Variants in CTNND2 observed in about 807,000 individuals in gnomAD.
CTNND2 encodes the protein catenin delta-2.
A neutral mutation model predicts 144.4 loss-of-function variants in CTNND2; 22 were observed. The observed-to-expected ratio is 0.15, with a 90% CI of 0.11 to 0.22. The LOEUF (loss-of-function observed/expected upper bound fraction) is 0.22. Ranked by LOEUF, CTNND2 falls within the 10% of genes least tolerant of loss-of-function variation. CTNND2 has a pLI of 1.00. For synonymous variants in CTNND2, 751 were observed against 695.6 expected, an observed-to-expected ratio of 1.08 and a Z score of -1.25; for missense variants, 1,353 against 1,618.8, an observed-to-expected ratio of 0.84 and a Z score of 2.82.
chr5:11,892,731 C>T (rs965336930), intron 1 of CTNND2, among the ~76,000 whole-genome samples: 1 of 151,408 alleles, frequency 6.6e-6, no homozygotes, highest in East Asian at 1.9e-4. Flanking sequence ...TCCCAGCCCA[C>T]CACATCTCAA....
chr5:11,809,215 T>C (rs898998753), intron 1 of CTNND2, among the ~76,000 whole-genome samples: 3 of 152,192 alleles, frequency 2.0e-5, no homozygotes, highest in Admixed American at 1.3e-4. Flanking sequence ...AGATTCTAGT[T>C]GAGATATCCA....
rs555355524 is a variant in CTNND2, at chr5:11,205,430, T to G, written c.1762-5769A>C. 4.1e-3 allele frequency among the ~76,000 whole-genome samples: 619 copies of G among 152,344 alleles called. 5 individuals carry two copies. Among genetic ancestry groups the G allele is most frequent in the African/African-American group, 0.014 (592 of 41,592 alleles). On this transcript the variant is annotated intron_variant, in intron 10 of 21. Transcript: ENST00000304623. Reference sequence around the variant, plus strand: ...AATGGTACTGGCTTTGAAAAAGCTTTTTAAAATGATATAATTATTACACAT... The same window carrying G: ...AATGGTACTGGCTTTGAAAAAGCTTGTTAAAATGATATAATTATTACACAT...
At chr5:11,080,383 C>T (rs1442695052) in intron 16 of CTNND2, among the ~76,000 whole-genome samples, 6 of 152,100 alleles carry the variant, frequency 3.9e-5, no homozygotes, top group Admixed American at 3.3e-4. Flanking sequence ...TTAGTACAGC[C>T]ACTACTGTAC....
At chr5:11,304,338 ACT>A (rs1251279255) in intron 9 of CTNND2, among the ~76,000 whole-genome samples, 2 of 150,548 alleles carry the variant, frequency 1.3e-5, no homozygotes, top group Non-Finnish European at 3.0e-5. Flanking sequence ...ACACACACAC[ACT>A]CTTTCTCTCT....
intron 3 of CTNND2, among the ~76,000 whole-genome samples, chr5:11,421,092 T>C (rs114581183): frequency 0.025 from 3,731 of 152,128 alleles, 159 homozygotes; most frequent in African/African-American, 0.086. Flanking sequence ...TAGCAGCTCG[T>C]CTGACCTCTG....
At position 11,564,936 on chromosome 5, in the gene CTNND2, G is replaced by A. The variant is rs201158879; in HGVS notation, c.287+8C>T. On this transcript the variant is annotated splice_region_variant and intron_variant, in intron 3 of 21. Transcript: ENST00000304623. Reference sequence around the variant, plus strand: ...AAGCACAGACAATGAACAGAGCGGCGCTAGTACCTCATGCTGCTCATGCTG... The same window carrying A: ...AAGCACAGACAATGAACAGAGCGGCACTAGTACCTCATGCTGCTCATGCTG... The A allele has an allele frequency of 5.6e-6, 9 of 1,598,672 alleles. No individual in the cohort carries two copies. The highest frequency in any genetic ancestry group is 4.0e-5 in the African/African-American group (3 of 74,792).
chr5:11,757,533 G>A (rs949767411), intron 1 of CTNND2, among the ~76,000 whole-genome samples: 1 of 151,888 alleles, frequency 6.6e-6, no homozygotes, highest in Admixed American at 6.6e-5. Flanking sequence ...GACAGATGCA[G>A]CCATCTTGTT....
chr5:11,401,367 T>G (rs758888430), intron 5 of CTNND2, among the ~76,000 whole-genome samples: 5 of 152,220 alleles, frequency 3.3e-5, no homozygotes, highest in Non-Finnish European at 7.3e-5. Flanking sequence ...ACAGTAGACC[T>G]TCAATTAAAG....
intron 1 of CTNND2, among the ~76,000 whole-genome samples, chr5:11,871,294 G>A (rs1243659495): frequency 6.6e-6 from 1 of 152,152 alleles, no homozygotes; most frequent in Non-Finnish European, 1.5e-5. Context: ...TGTTTACATG[G>A]CTTAGTCTGT....
chr5:11,627,731 T>A (rs1781228385), intron 2 of CTNND2, among the ~76,000 whole-genome samples: 1 of 151,322 alleles, frequency 6.6e-6, no homozygotes, highest in Non-Finnish European at 1.5e-5. Context: ...ATGATTCAAG[T>A]GTGTTACATT....
intron 3 of CTNND2, among the ~76,000 whole-genome samples, chr5:11,513,805 G>A (rs554377640): frequency 5.9e-5 from 9 of 152,042 alleles, no homozygotes; most frequent in Non-Finnish European, 1.2e-4. Context: ...GTGTGGTCTA[G>A]AGACACATAG....
At chr5:11,222,897 C>T (rs757960429) in intron 10 of CTNND2, among the ~76,000 whole-genome samples, 1 of 152,180 alleles carries the variant, frequency 6.6e-6, no homozygotes, top group Non-Finnish European at 1.5e-5. Flanking sequence ...GCAGGCTGGA[C>T]GTGAGCTCCA....
intron 18 of CTNND2, among the ~76,000 whole-genome samples, chr5:11,017,649 GA>G (rs1386355246): frequency 2.1e-5 from 3 of 144,974 alleles, no homozygotes; most frequent in African/African-American, 7.7e-5. Flanking sequence ...AACATTTGTT[GA>G]TTTTTTTTTC....
chr5:11,190,756 A>T (rs1285894054), intron 11 of CTNND2, among the ~76,000 whole-genome samples: 1 of 152,214 alleles, frequency 6.6e-6, no homozygotes, highest in Non-Finnish European at 1.5e-5. Context: ...TGTAACAGAG[A>T]CCTAGGGCCT....
At chr5:11,477,433 C>A (rs1021944978) in intron 3 of CTNND2, among the ~76,000 whole-genome samples, 1 of 149,542 alleles carries the variant, frequency 6.7e-6, no homozygotes, top group Non-Finnish European at 1.5e-5. Flanking sequence ...TGTTTAAGAT[C>A]TAGGATCTTA....
At chr5:11,221,040 T>G (rs1408234865) in intron 10 of CTNND2, among the ~76,000 whole-genome samples, 1 of 152,246 alleles carries the variant, frequency 6.6e-6, no homozygotes, top group Non-Finnish European at 1.5e-5. Context: ...AATGTGAATT[T>G]TGAAGAGCTC....
At chr5:11,817,836 G>A (rs139720166) in intron 1 of CTNND2, among the ~76,000 whole-genome samples, 7 of 152,112 alleles carry the variant, frequency 4.6e-5, no homozygotes, top group South Asian at 2.1e-4. Context: ...AGGAAAACAC[G>A]ATTATAAAAT....
intron 9 of CTNND2, among the ~76,000 whole-genome samples, chr5:11,338,474 G>A (rs769273016): frequency 7.2e-5 from 11 of 152,162 alleles, no homozygotes; most frequent in Non-Finnish European, 1.2e-4. Context: ...GAAGAGGCTC[G>A]TTCCCTAGAG....
chr5:11,709,835 T>C (rs1241447035), intron 2 of CTNND2, among the ~76,000 whole-genome samples: 1 of 152,220 alleles, frequency 6.6e-6, no homozygotes, highest in Non-Finnish European at 1.5e-5. Flanking sequence ...TATCGTATAG[T>C]GAAATTGTCC....
Sources: gnomAD v4.1 joint callset for allele counts (sites outside exome capture counted in the v4.1 genomes callset) on GRCh38, gnomAD v4.1.1 for gene constraint, MANE v1.5 for transcripts, NCBI Gene and HGNC (gene_info 2026-07-23, HGNC 2026-07-21) for gene names.